The following F8 variants were observed in gnomAD, a reference collection of about 807,000 sequenced individuals.
F8 encodes coagulation factor VIII, also known as antihemophilic factor.
A neutral mutation model predicts 140.6 loss-of-function variants in F8; 12 were observed. The observed-to-expected ratio is 0.09, with a 90% CI of 0.05 to 0.14. The LOEUF is 0.14. Ranked by LOEUF, F8 falls within the 10% of genes least tolerant of loss-of-function variation. F8 has a pLI of 1.00. For synonymous variants in F8, 585 were observed against 614.6 expected (o/e 0.95, Z 0.71); for missense variants, 1,354 against 1,720.7 (o/e 0.79, Z 3.77).
intron 22 of F8, among the ~76,000 whole-genome samples, chrX:154,890,308 G>C (rs1205976894): frequency 9.0e-6 from 1 of 111,493 alleles, no homozygotes; most frequent in Non-Finnish European, 1.9e-5. Context: ...CCAGGACATA[G>C]TAGTTGCTCA....
chrX:155,022,335 T>C (rs782461493), intron 1 of F8, 75 bp downstream of exon 1: 17 of 1,075,111 alleles, frequency 1.6e-5, no homozygotes, highest in Non-Finnish European at 2.1e-5. Context: ...TAACCCGATG[T>C]CTGCACCTTC....
Position 154,904,538 on chromosome X carries a change from A to G in F8, c.5587-14T>C. 1 of 1,163,360 alleles carries G rather than the reference A, an allele frequency of 8.6e-7. No homozygotes were observed. The highest frequency in any genetic ancestry group is 1.2e-6 in the Non-Finnish European group (1 of 851,466). Reference sequence around the variant, plus strand: ...CACATCTTTTTCCTAGGGAGGGAAGACATCAATCCTATGAGTATAAGCTCT... The same window carrying G: ...CACATCTTTTTCCTAGGGAGGGAAGGCATCAATCCTATGAGTATAAGCTCT... On this transcript the variant is annotated splice_polypyrimidine_tract_variant and intron_variant, in intron 16 of 25. Coordinates refer to ENST00000360256, the MANE Select transcript of F8 (RefSeq NM_000132.4).
At chrX:155,014,936 T>C (rs1196355743) in intron 1 of F8, among the ~76,000 whole-genome samples, 1 of 112,154 alleles carries the variant, frequency 8.9e-6, no homozygotes, top group African/African-American at 3.2e-5. Flanking sequence ...ATAAAATTAA[T>C]ACAGAAATAT....
At chrX:154,839,425 C>G (rs782151438) in intron 25 of F8, among the ~76,000 whole-genome samples, 37 of 106,489 alleles carry the variant, frequency 3.5e-4, no homozygotes, top group African/African-American at 1.1e-3. Flanking sequence ...TGCAGTGGCA[C>G]CATCTCGGCT....
intron 1 of F8, among the ~76,000 whole-genome samples, chrX:155,016,300 C>A (rs1245871554): frequency 9.0e-6 from 1 of 111,084 alleles, no homozygotes; most frequent in Non-Finnish European, 1.9e-5. Flanking sequence ...CAAATGTTGT[C>A]CAGGATATAT....
At chrX:154,988,677 T>C (rs1474132774) in intron 4 of F8, among the ~76,000 whole-genome samples, 1 of 112,147 alleles carries the variant, frequency 8.9e-6, no homozygotes, top group African/African-American at 3.2e-5. Context: ...ATGGAAACCT[T>C]GGGGATATTG....
At chrX:155,009,730 G>A (rs956897944) in intron 1 of F8, among the ~76,000 whole-genome samples, 1 of 110,394 alleles carries the variant, frequency 9.1e-6, no homozygotes, top group Non-Finnish European at 1.9e-5. Flanking sequence ...GTTAGACTCT[G>A]TCTCAAAAAA....
At chrX:154,908,336 A>G (rs2073048705) in intron 14 of F8, among the ~76,000 whole-genome samples, 1 of 112,399 alleles carries the variant, frequency 8.9e-6, no homozygotes, top group Non-Finnish European at 1.9e-5. Flanking sequence ...CATTGTTTTA[A>G]TTATTATAGC....
chrX:154,981,059 T>G (rs1355623977), intron 6 of F8, among the ~76,000 whole-genome samples: 1 of 112,153 alleles, frequency 8.9e-6, no homozygotes, highest in East Asian at 2.8e-4. Context: ...CTGGCTCTGC[T>G]ACTAATTAGT....
chrX:154,984,916 A>C, intron 5 of F8, 113 bp from the exon 6 acceptor site: 1 of 589,495 alleles, frequency 1.7e-6, no homozygotes. Flanking sequence ...CATTTTTGTC[A>C]GCAAAGTAGG....
Position 154,931,135 on chromosome X carries a change from A to G in F8, c.2655T>C (p.Thr885=), listed in dbSNP as rs1429858412. Residue 885 remains threonine (T), a synonymous_variant, in exon 14 of 26, where the codon ACT becomes ACC. Transcript: ENST00000360256. ...CAAGTTTCTTCAACTCTGTTGCTGC[A>G]GTTGTCCCCAGTTTCTCATTTAATC... ...QLRLNEKLGT[T]AATELKKLDF... is the part of the protein sequence containing the mutation. 2.5e-6 allele frequency: 3 copies of G among 1,209,344 alleles called. No individual in the cohort carries two copies. In the African/African-American group the frequency reaches 5.2e-5, roughly 21 times the overall value.
chrX:154,999,848 A>C (rs961894794), intron 1 of F8, among the ~76,000 whole-genome samples: 1 of 112,686 alleles, frequency 8.9e-6, no homozygotes, highest in African/African-American at 3.2e-5. Flanking sequence ...TTGCCAAAGC[A>C]ATAGCTACTG....
At chrX:155,017,057 CAT>C (rs1210965082) in intron 1 of F8, among the ~76,000 whole-genome samples, 1 of 112,160 alleles carries the variant, frequency 8.9e-6, no homozygotes, top group African/African-American at 3.2e-5. Context: ...AATGTAATCA[CAT>C]GAGTCCTTAA....
chrX:154,971,659 C>T (rs1557282579), intron 6 of F8, among the ~76,000 whole-genome samples: 2 of 111,115 alleles, frequency 1.8e-5, no homozygotes, highest in African/African-American at 6.5e-5. Flanking sequence ...TAACATTGTA[C>T]CCATTGACCA....
intron 24 of F8, among the ~76,000 whole-genome samples, 193 bp from the exon 25 acceptor site, chrX:154,860,801 C>T (rs1014536853): frequency 7.2e-5 from 8 of 111,648 alleles, no homozygotes; most frequent in South Asian, 3.7e-4. Flanking sequence ...CGAGTTCAAC[C>T]GATTCTCCTG....
chrX:154,964,134 G>A (rs1268697017), intron 9 of F8, among the ~76,000 whole-genome samples: 1 of 111,565 alleles, frequency 9.0e-6, no homozygotes, highest in Non-Finnish European at 1.9e-5. Flanking sequence ...CACTACTTCT[G>A]GAGGGGAGTA....
At chrX:154,843,577 G>A (rs1166176294) in intron 25 of F8, among the ~76,000 whole-genome samples, 1 of 112,163 alleles carries the variant, frequency 8.9e-6, no homozygotes, top group Non-Finnish European at 1.9e-5. Context: ...GTATCTGTTG[G>A]CTGCATAAAT....
chrX:154,861,708 T>C lies in F8; in HGVS notation c.6723+10A>G. The stretch of plus-strand genomic sequence containing the variant: ...TGAGTCAGTTAAACAGTAAATCTGT[T>C]GCCTCTTACCTGAGGTCTCCAGGCA... On this transcript the variant is annotated intron_variant, in intron 24 of 25. Transcript: ENST00000360256. The C allele has an allele frequency of 2.5e-6, 3 of 1,211,423 alleles. No homozygotes were observed. The highest frequency in any genetic ancestry group is 3.4e-6 in the Non-Finnish European group (3 of 895,218).
At chrX:154,894,379 G>T (rs2072967948) in intron 22 of F8, among the ~76,000 whole-genome samples, 1 of 80,926 alleles carries the variant, frequency 1.2e-5, no homozygotes, top group Admixed American at 1.4e-4. Context: ...AGGTTATGTA[G>T]TCTTCACCTT....
Sources: allele counts gnomAD v4.1 joint callset (sites outside exome capture counted in the v4.1 genomes callset), GRCh38; gene constraint gnomAD v4.1.1; transcripts MANE v1.5; gene names NCBI Gene and HGNC (gene_info 2026-07-23, HGNC 2026-07-21).